Variants in MBNL2 observed in about 807,000 individuals in gnomAD.
The protein encoded by MBNL2 is muscleblind-like protein 2.
Under a neutral mutation model 41.9 loss-of-function variants are expected in MBNL2, and 17 were observed. That is an observed-to-expected ratio of 0.41 (90% CI 0.28 to 0.61). The LOEUF (loss-of-function observed/expected upper bound fraction) is 0.61, where lower values mean the gene tolerates loss of function less well. MBNL2 is among the 20% of genes least tolerant of loss of function. The pLI, the probability that MBNL2 is intolerant of heterozygous loss-of-function variation, is 0.35. For missense variants in MBNL2, 336 were observed against 505.6 expected, an observed-to-expected ratio of 0.66 and a Z score of 3.22; for synonymous variants, 195 against 182.9, an observed-to-expected ratio of 1.07 and a Z score of -0.53.
rs1485079149 is a variant in MBNL2 at position 97,357,554 on chromosome 13, G to C, written c.931G>C (p.Val311Leu). The C allele has an allele frequency of 2.5e-6, 4 of 1,613,950 alleles. No individual in the cohort carries two copies. The highest frequency in any genetic ancestry group is 3.4e-6 in the Non-Finnish European group (4 of 1,179,964). The change falls in exon 7 of 9, where the codon GTC becomes CTC. Residue 311 changes from valine to leucine, a missense_variant. Transcript: ENST00000679496. ...ALEKSNGTSAVFNPSVLHYQQ... is the reference protein window; with the variant it reads ...ALEKSNGTSALFNPSVLHYQQ... ...TGAAAAAAGCAATGGTACCAGCGCG[G>C]TCTTTAACCCCAGCGTCTTGCACTA...
intron 2 of MBNL2, among the ~76,000 whole-genome samples, chr13:97,322,821 C>T (rs1265613779): frequency 1.3e-5 from 2 of 152,158 alleles, no homozygotes; most frequent in South Asian, 2.1e-4. Context: ...CTGGCCTTGT[C>T]ATAGTATATT....
At chr13:97,144,423 C>CTTTTTTTT in the MBNL2 span, among the ~76,000 whole-genome samples, 535 of 117,960 alleles carry the variant, frequency 4.5e-3, 37 homozygotes, top group African/African-American at 0.013. Flanking sequence ...CATGATACTT[C>CTTTTTTTT]TTTTTTTTTT....
chr13:97,383,049 C>T (rs7986922), intron 8 of MBNL2, among the ~76,000 whole-genome samples: 24,149 of 152,192 alleles, frequency 0.16, 3,258 homozygotes, highest in African/African-American at 0.38. Context: ...GTCTCCTTCT[C>T]ATGCCTCTTT....
chr13:97,174,669 A>C, the MBNL2 span, among the ~76,000 whole-genome samples: 2 of 152,254 alleles, frequency 1.3e-5, no homozygotes. Flanking sequence ...GGCTGAAAAC[A>C]GGATTGGCTG....
intron 1 of MBNL2, among the ~76,000 whole-genome samples, chr13:97,247,524 C>T (rs1408563125): frequency 6.6e-6 from 1 of 152,182 alleles, no homozygotes; most frequent in Non-Finnish European, 1.5e-5. Context: ...GGCTTCATTT[C>T]TCTCATACCT....
At chr13:97,355,445 G>A (rs1190542775) in intron 5 of MBNL2, among the ~76,000 whole-genome samples, 1 of 152,086 alleles carries the variant, frequency 6.6e-6, no homozygotes, top group Non-Finnish European at 1.5e-5. Flanking sequence ...AAATGACAAA[G>A]TTCTATTTCA....
the MBNL2 span, among the ~76,000 whole-genome samples, chr13:97,208,192 T>A: frequency 6.6e-6 from 1 of 152,236 alleles, no homozygotes; most frequent in African/African-American, 2.4e-5. Flanking sequence ...ATGTGCAATG[T>A]GAATCTCCAA....
chr13:97,365,158 C>A lies in MBNL2; in HGVS notation c.1035C>A (p.Pro345=). ...IPTGSVLCMT[P]ATSIDNSEII... Reference sequence around the variant, plus strand: ...CAGGGTCAGTTTTGTGCATGACACCCGCTACCAGTATTGGTAGGTTTCAAC... The same window carrying A: ...CAGGGTCAGTTTTGTGCATGACACCAGCTACCAGTATTGGTAGGTTTCAAC... The change falls in exon 8 of 9, where the codon CCC becomes CCA. Residue 345 remains proline, a synonymous_variant. Coordinates refer to ENST00000679496, the MANE Select transcript of MBNL2 (RefSeq NM_001382683.1). 1 of 1,606,630 alleles carries A rather than the reference C, an allele frequency of 6.2e-7. No individual in the cohort carries two copies. Among genetic ancestry groups the A allele is most frequent in the Non-Finnish European group, 8.5e-7 (1 of 1,173,308 alleles).
chr13:97,261,310 A>G (rs893978398), intron 1 of MBNL2, among the ~76,000 whole-genome samples: 1 of 152,104 alleles, frequency 6.6e-6, no homozygotes, highest in Admixed American at 6.5e-5. Context: ...ATGCACACAC[A>G]TCAAGAAATT....
intron 4 of MBNL2, among the ~76,000 whole-genome samples, chr13:97,344,185 T>C (rs1375878829): frequency 6.6e-6 from 1 of 152,228 alleles, no homozygotes; most frequent in African/African-American, 2.4e-5. Context: ...TTCCTATATA[T>C]AAAAAACATC....
At chr13:97,182,401 A>G in the MBNL2 span, among the ~76,000 whole-genome samples, 3 of 152,354 alleles carry the variant, frequency 2.0e-5, no homozygotes, top group East Asian at 1.9e-4. Context: ...CTTCTTTGCT[A>G]TGCAATACAT....
the MBNL2 span, among the ~76,000 whole-genome samples, chr13:97,215,334 A>G: frequency 1.3e-5 from 2 of 152,250 alleles, no homozygotes; most frequent in Non-Finnish European, 2.9e-5. Context: ...CTGGGGTTCC[A>G]TGGGCTGCTG....
chr13:97,369,989 T>C (rs970302184), intron 8 of MBNL2, among the ~76,000 whole-genome samples: 1 of 152,120 alleles, frequency 6.6e-6, no homozygotes, highest in Non-Finnish European at 1.5e-5. Context: ...AACCTCTTAT[T>C]ATGTGCCAGG....
Position 97,343,082 on chromosome 13 carries a change from C to T in MBNL2, c.406C>T (p.Pro136Ser), listed in dbSNP as rs1230823952. Residue 136 changes from proline (P) to serine (S), a missense_variant, in exon 4 of 9, where the codon CCT (proline) becomes TCT (serine). Pro to Ser is a moderately conservative substitution (Grantham distance 74). Transcript: ENST00000679496. ...TATTAGCTTTGCTCCTTACCTAGCA[C>T]CTGTAACCCCTGGAGTTGGGTTGGT... The part of the protein sequence containing the change: ...TAISFAPYLA[P>S]VTPGVGLVPT... 5 of 1,613,860 alleles carry T rather than the reference C, an allele frequency of 3.1e-6. No individual in the cohort carries two copies. Among genetic ancestry groups the T allele is most frequent in the Non-Finnish European group, 4.2e-6 (5 of 1,179,862 alleles).
In MBNL2 at chr13:97,366,581, C is replaced by T; in HGVS notation, c.1048+1410C>T. 7.0e-7 allele frequency: 1 copy of T among 1,418,792 alleles called. No homozygotes were observed. Among genetic ancestry groups the T allele is most frequent in the Non-Finnish European group, 9.9e-7 (1 of 1,006,314 alleles). 87.9% of individuals were successfully genotyped at this position (1,418,792 alleles called of 1,614,324 possible). A position where few individuals can be genotyped will look rare whatever the true frequency, so the allele number is the denominator to read the frequency against. ...TTGCTCCTTTTAAAGCTTTCTTTCA[C>T]AAATCCCAAACTCTAAATGAGTGCT... On this transcript the variant is annotated intron_variant, in intron 8 of 8. Transcript: ENST00000679496. The surrounding 1 kb of genome is among the most constrained non-coding windows in gnomAD (Gnocchi z 4.7).
chr13:97,266,882 T>C (rs2049938232), intron 1 of MBNL2, among the ~76,000 whole-genome samples: 1 of 152,190 alleles, frequency 6.6e-6, no homozygotes, highest in Non-Finnish European at 1.5e-5. Flanking sequence ...AATGAGTTCT[T>C]GACTGTCTGA....
chr13:97,252,195 T>C (rs1419822501), intron 1 of MBNL2, among the ~76,000 whole-genome samples: 1 of 152,234 alleles, frequency 6.6e-6, no homozygotes, highest in Non-Finnish European at 1.5e-5. Flanking sequence ...CAAGAAATTA[T>C]TAGTAAATTT....
intron 5 of MBNL2, among the ~76,000 whole-genome samples, chr13:97,354,020 G>C (rs1012426045): frequency 6.7e-6 from 1 of 148,300 alleles, no homozygotes; most frequent in Non-Finnish European, 1.5e-5. Context: ...TTGATTTGCA[G>C]GTGAATTGGT....
intron 2 of MBNL2, among the ~76,000 whole-genome samples, chr13:97,285,051 G>C (rs1229160172): frequency 6.6e-6 from 1 of 152,132 alleles, no homozygotes; most frequent in African/African-American, 2.4e-5. Context: ...TACAGGATTT[G>C]TGTAATATTC....
Sources: allele counts gnomAD v4.1 joint callset (sites outside exome capture counted in the v4.1 genomes callset), GRCh38; gene constraint gnomAD v4.1.1; non-coding constraint Gnocchi (gnomAD v3.1); transcripts MANE v1.5; gene names NCBI Gene and HGNC (gene_info 2026-07-23, HGNC 2026-07-21).